COMMD1: variants seen among roughly 807,000 people sequenced by gnomAD.
COMMD1 encodes the protein copper metabolism domain containing 1.
COMMD1 carries 10 observed loss-of-function variants against 17.2 expected under a neutral mutation model. The observed-to-expected ratio is 0.58, with a 90% CI of 0.36 to 0.99. The LOEUF is 0.99. Among genes scored for constraint, COMMD1 ranks in the 50% least tolerant of loss-of-function variants. The pLI is 0.01. For synonymous variants in COMMD1, 97 were observed against 91.6 expected (o/e 1.06, Z -0.34); for missense variants, 270 against 231.8 (o/e 1.17, Z -1.07).
intron 2 of COMMD1, among the ~76,000 whole-genome samples, chr2:62,073,606 ACTGTAAC>A (rs1174667417): frequency 6.6e-6 from 1 of 152,114 alleles, no homozygotes; most frequent in Non-Finnish European, 1.5e-5. Flanking sequence ...TTAAAACCAA[ACTGTAAC>A]CTGACTGCCT....
chr2:61,905,539 C>A (rs1669746343), upstream of COMMD1: 5 of 765,030 alleles, frequency 6.5e-6, no homozygotes, highest in East Asian at 1.1e-4. Context: ...CTGTAAGCTG[C>A]CAACTCTGAC....
intron 2 of COMMD1, among the ~76,000 whole-genome samples, chr2:62,094,050 C>G (rs552144275): frequency 6.6e-6 from 1 of 152,116 alleles, no homozygotes; most frequent in Non-Finnish European, 1.5e-5. Context: ...AAGAACCATC[C>G]GTGAACCAAA....
At chr2:62,117,893 G>T (rs112752439) in intron 2 of COMMD1, among the ~76,000 whole-genome samples, 1 of 151,834 alleles carries the variant, frequency 6.6e-6, no homozygotes, top group Non-Finnish European at 1.5e-5. Flanking sequence ...ACCCTGCCCC[G>T]CACTCCCCGC....
chr2:62,061,302 A>G (rs571931692), intron 2 of COMMD1, among the ~76,000 whole-genome samples: 25 of 152,150 alleles, frequency 1.6e-4, no homozygotes, highest in Non-Finnish European at 3.4e-4. Context: ...TTGTAGATAT[A>G]TGGATTCTGT....
At chr2:61,900,323 T>C (rs568505587) in intron 1 of COMMD1, among the ~76,000 whole-genome samples, 1 of 152,336 alleles carries the variant, frequency 6.6e-6, no homozygotes, top group South Asian at 2.1e-4. Context: ...TCAGAGATTG[T>C]TTAATTTGCA....
rs148012026 is a variant in COMMD1 at position 62,049,364 on chromosome 2, A to G, written c.462+48382A>G. Among the ~76,000 whole-genome samples the G allele has an allele frequency of 7.9e-3, 1,208 of 151,992 alleles. 19 individuals are homozygous for G. Among genetic ancestry groups the G allele is most frequent in the African/African-American group, 0.028 (1,142 of 41,318 alleles). ...TATATTGGCAGGCCCCCTTTCAGAT[A>G]GTTGTTCTTTTATTAGATGAGTGGA... On this transcript the variant is annotated intron_variant, in intron 2 of 2. Coordinates refer to ENST00000311832, the MANE Select transcript of COMMD1 (RefSeq NM_152516.4).
intron 1 of COMMD1, among the ~76,000 whole-genome samples, chr2:61,920,096 A>C (rs1670149573): frequency 6.6e-6 from 1 of 152,208 alleles, no homozygotes; most frequent in Non-Finnish European, 1.5e-5. Context: ...AAAAAGATCT[A>C]GTACAGCTAG....
At chr2:62,079,436 A>G (rs1671455900) in intron 2 of COMMD1, among the ~76,000 whole-genome samples, 1 of 152,198 alleles carries the variant, frequency 6.6e-6, no homozygotes, top group Non-Finnish European at 1.5e-5. Context: ...ATATTGGGAT[A>G]TTAGGACAGT....
At chr2:61,888,673 C>A, upstream of COMMD1, 2 of 781,250 alleles carry the variant, frequency 2.6e-6, no homozygotes, top group East Asian at 3.0e-5. Flanking sequence ...TTCCTTGCCG[C>A]GCGGCGCTGG....
At chr2:61,925,191 G>A (rs556132657) in intron 1 of COMMD1, among the ~76,000 whole-genome samples, 4 of 151,836 alleles carry the variant, frequency 2.6e-5, no homozygotes, top group African/African-American at 4.8e-5. Flanking sequence ...GAGGGAGAGA[G>A]TGGGGGAGAG....
At chr2:62,124,074 C>G (rs1275926122) in intron 2 of COMMD1, among the ~76,000 whole-genome samples, 1 of 152,128 alleles carries the variant, frequency 6.6e-6, no homozygotes, top group Non-Finnish European at 1.5e-5. Context: ...CCAAGGTGGG[C>G]AGATCACAAG....
intron 2 of COMMD1, among the ~76,000 whole-genome samples, chr2:62,132,584 G>A (rs751160001): frequency 2.1e-4 from 32 of 152,234 alleles, no homozygotes; most frequent in Non-Finnish European, 3.7e-4. Context: ...AGTGGCTCAC[G>A]CCTGTAATCC....
chr2:61,987,876 C>T (rs76157572), intron 1 of COMMD1, among the ~76,000 whole-genome samples: 3,606 of 152,214 alleles, frequency 0.024, 57 homozygotes, highest in Non-Finnish European at 0.031. Flanking sequence ...AAGCTGGCAC[C>T]GAAACCACAA....
chr2:62,035,312 C>T lies in COMMD1; in HGVS notation c.462+34330C>T, dbSNP rs1044594205. On this transcript the variant is annotated intron_variant, in intron 2 of 2. Transcript: ENST00000311832. The stretch of plus-strand genomic sequence containing the variant: ...ATATTTATTAGGCTAGAATTCAAAG[C>T]TCAACTGAAAACTGCTCAGGCAATT... Among the ~76,000 whole-genome samples the T allele has an allele frequency of 7.2e-4, 110 of 152,186 alleles. 2 individuals carry two copies. The highest frequency in any genetic ancestry group is 2.4e-3 in the African/African-American group (99 of 41,442).
At chr2:61,895,628 A>G (rs751908467) in intron 1 of COMMD1, among the ~76,000 whole-genome samples, 4 of 152,100 alleles carry the variant, frequency 2.6e-5, no homozygotes, top group Admixed American at 1.3e-4. Context: ...CCCAGGGGTG[A>G]TATGCTACCC....
chr2:62,124,069 G>A (rs896386645), intron 2 of COMMD1, among the ~76,000 whole-genome samples: 3 of 152,196 alleles, frequency 2.0e-5, no homozygotes, highest in Admixed American at 6.5e-5. Flanking sequence ...GGAGGCCAAG[G>A]TGGGCAGATC....
chr2:62,063,185 C>G (rs930115283), intron 2 of COMMD1, among the ~76,000 whole-genome samples: 1 of 152,066 alleles, frequency 6.6e-6, no homozygotes, highest in Non-Finnish European at 1.5e-5. Flanking sequence ...CCACTGCACT[C>G]CAGCCTGGTG....
chr2:61,986,634 T>A (rs1042936964), intron 1 of COMMD1, among the ~76,000 whole-genome samples: 2 of 148,990 alleles, frequency 1.3e-5, no homozygotes, highest in African/African-American at 5.0e-5. Context: ...AGTGGCATGA[T>A]CTCAGCTTGC....
chr2:62,042,229 C>T (rs527738293), intron 2 of COMMD1, among the ~76,000 whole-genome samples: 23 of 152,270 alleles, frequency 1.5e-4, no homozygotes, highest in African/African-American at 2.6e-4. Flanking sequence ...GTCCCCTACC[C>T]GATTAGCTAG....
Sources: gnomAD v4.1 joint callset for allele counts (sites outside exome capture counted in the v4.1 genomes callset) on GRCh38, gnomAD v4.1.1 for gene constraint, MANE v1.5 for transcripts, NCBI Gene and HGNC (gene_info 2026-07-23, HGNC 2026-07-21) for gene names.